Variants in CPPED1 observed in about 807,000 individuals in gnomAD.
CPPED1 encodes calcineurin like phosphoesterase domain containing 1, also known as serine/threonine-protein phosphatase CPPED1.
Under a neutral mutation model 28.0 loss-of-function variants are expected in CPPED1, and 28 were observed. The observed-to-expected ratio is 1.00, with a 90% CI of 0.74 to 1.37. CPPED1 has a LOEUF of 1.37. CPPED1 is among the 40% of genes most tolerant of loss of function. The probability of loss-of-function intolerance (pLI) is 0.00; values close to 1 mark genes in which losing one functional copy is unlikely to be tolerated. For synonymous variants in CPPED1, 198 were observed against 180.2 expected (o/e 1.10, Z -0.79); for missense variants, 504 against 416.5 (o/e 1.21, Z -1.83).
chr16:12,715,557 G>A (rs1219466408), intron 2 of CPPED1, among the ~76,000 whole-genome samples: 1 of 152,172 alleles, frequency 6.6e-6, no homozygotes, highest in Non-Finnish European at 1.5e-5. Context: ...CTACTCGGGA[G>A]GCTGAGGCAG....
intron 3 of CPPED1, among the ~76,000 whole-genome samples, chr16:12,702,505 G>A (rs1477214584): frequency 8.6e-5 from 13 of 151,458 alleles, no homozygotes; most frequent in Non-Finnish European, 1.8e-4. Context: ...GCCACTGCAC[G>A]CCAGCCTGGG....
At position 12,750,693 on chromosome 16, in the gene CPPED1, G is replaced by C. The variant is rs182648708; in HGVS notation, c.289+30492C>G. Among the ~76,000 whole-genome samples, 362 of 152,240 alleles carry C rather than the reference G, an allele frequency of 2.4e-3. 1 individual carries two copies. Among genetic ancestry groups the C allele is most frequent in the African/African-American group, 8.3e-3 (344 of 41,552 alleles). ...TGAAAAAATGATGCTAACAGAGGCC[G>C]GGCGCAGTGGCTCACGCCTATAGTC... On this transcript the variant is annotated intron_variant, in intron 2 of 3. Transcript: ENST00000381774.
chr16:12,756,842 T>G (rs901311852), intron 2 of CPPED1, among the ~76,000 whole-genome samples: 2 of 152,170 alleles, frequency 1.3e-5, no homozygotes. Context: ...ATTTAACCCT[T>G]GAGATCAAAG....
intron 3 of CPPED1, among the ~76,000 whole-genome samples, chr16:12,701,590 G>A (rs1264119651): frequency 6.6e-6 from 1 of 152,168 alleles, no homozygotes; most frequent in East Asian, 1.9e-4. Flanking sequence ...GAGGCTGGAG[G>A]GGAAGGCAGA....
At chr16:12,701,949 C>T (rs751943065) in intron 3 of CPPED1, among the ~76,000 whole-genome samples, 3 of 152,216 alleles carry the variant, frequency 2.0e-5, no homozygotes, top group Non-Finnish European at 4.4e-5. Flanking sequence ...CTCATGCCTA[C>T]CAAGCAGCCT....
chr16:12,803,579 G>T, intron 1 of CPPED1, 128 bp downstream of exon 1: 1 of 772,856 alleles, frequency 1.3e-6, no homozygotes, highest in South Asian at 2.4e-5. Context: ...CAGCTATGGC[G>T]GCTCCCAGGC....
At chr16:12,734,388 T>TG (rs964648777) in intron 2 of CPPED1, among the ~76,000 whole-genome samples, 25 of 151,524 alleles carry the variant, frequency 1.6e-4, no homozygotes, top group African/African-American at 5.8e-4. Flanking sequence ...ATTTTTTTTT[T>TG]TTGTTTTTGA....
At chr16:12,700,288 G>T (rs1413316354) in intron 3 of CPPED1, among the ~76,000 whole-genome samples, 2 of 152,192 alleles carry the variant, frequency 1.3e-5, no homozygotes, top group Non-Finnish European at 2.9e-5. Context: ...AGTGGGAGGG[G>T]GTGCTTGGGA....
intron 3 of CPPED1, among the ~76,000 whole-genome samples, chr16:12,672,840 C>A (rs2079859414): frequency 6.6e-6 from 1 of 152,010 alleles, no homozygotes; most frequent in African/African-American, 2.4e-5. Context: ...ATGGCAAAAC[C>A]CCATCTCTAC....
At chr16:12,751,034 T>C (rs2080325075) in intron 2 of CPPED1, among the ~76,000 whole-genome samples, 1 of 150,970 alleles carries the variant, frequency 6.6e-6, no homozygotes, top group African/African-American at 2.4e-5. Context: ...GCTGGATGCA[T>C]GGTTGCCACA....
intron 2 of CPPED1, among the ~76,000 whole-genome samples, chr16:12,755,281 CTTTTTTTT>C (rs35135598): frequency 1.6e-5 from 2 of 128,810 alleles, no homozygotes; most frequent in African/African-American, 5.9e-5. Context: ...AGTATGCATT[CTTTTTTTT>C]TTTTTTTTTT....
chr16:12,740,637 C>T (rs975624677), intron 2 of CPPED1, among the ~76,000 whole-genome samples: 1 of 152,060 alleles, frequency 6.6e-6, no homozygotes, highest in Non-Finnish European at 1.5e-5. Flanking sequence ...GAAGGGAGTG[C>T]TTGGCCCACT....
At chr16:12,728,937 G>C (rs1013755130) in intron 2 of CPPED1, among the ~76,000 whole-genome samples, 5 of 152,182 alleles carry the variant, frequency 3.3e-5, no homozygotes, top group African/African-American at 9.7e-5. Flanking sequence ...GCGGGACCTG[G>C]ATAGTAAGTG....
intron 2 of CPPED1, among the ~76,000 whole-genome samples, chr16:12,720,063 C>T (rs1391043171): frequency 7.2e-5 from 11 of 152,154 alleles, no homozygotes. Context: ...ATTATTAAAA[C>T]TGAACAAAAC....
intron 2 of CPPED1, among the ~76,000 whole-genome samples, chr16:12,717,386 C>G (rs1771572627): frequency 6.6e-6 from 1 of 152,184 alleles, no homozygotes. Context: ...GCCTCAGTCT[C>G]CCGAGTAGCT....
chr16:12,703,609 G>A (rs2141186260), intron 3 of CPPED1, among the ~76,000 whole-genome samples: 2 of 151,872 alleles, frequency 1.3e-5, no homozygotes, highest in East Asian at 3.9e-4. Flanking sequence ...TTGAACCTGG[G>A]AGGCGGAGGT....
intron 1 of CPPED1, among the ~76,000 whole-genome samples, chr16:12,800,937 A>G (rs2080655805): frequency 1.3e-5 from 2 of 152,194 alleles, no homozygotes; most frequent in South Asian, 4.1e-4. Flanking sequence ...GCCCACCAGT[A>G]GCCAAGCATT....
At chr16:12,785,733 T>A (rs779861686) in intron 1 of CPPED1, among the ~76,000 whole-genome samples, 1 of 151,988 alleles carries the variant, frequency 6.6e-6, no homozygotes, top group Non-Finnish European at 1.5e-5. Context: ...CACACTCAGA[T>A]GAAAGTGACC....
At chr16:12,768,312 G>C (rs2080451106) in intron 2 of CPPED1, among the ~76,000 whole-genome samples, 1 of 152,184 alleles carries the variant, frequency 6.6e-6, no homozygotes, top group Non-Finnish European at 1.5e-5. Context: ...GAGGCTCTCT[G>C]TTTTCACTTT....
Sources: gnomAD v4.1 joint callset for allele counts (sites outside exome capture counted in the v4.1 genomes callset) on GRCh38, gnomAD v4.1.1 for gene constraint, MANE v1.5 for transcripts, NCBI Gene and HGNC (gene_info 2026-07-23, HGNC 2026-07-21) for gene names.